The following CDH12 variants were observed in gnomAD, a reference collection of about 807,000 sequenced individuals.
CDH12 encodes cadherin-12.
In CDH12, 41 loss-of-function variants were observed where a neutral mutation model predicts 74.1. The observed-to-expected ratio is 0.55, with a 90% CI of 0.43 to 0.72. CDH12 has a LOEUF of 0.72. CDH12 is among the 30% of genes least tolerant of loss of function. The probability of loss-of-function intolerance (pLI) is 0.00; values close to 1 mark genes in which losing one functional copy is unlikely to be tolerated. For missense variants in CDH12, 945 were observed against 977.2 expected, an observed-to-expected ratio of 0.97 and a Z score of 0.44; for synonymous variants, 399 against 355.0, an observed-to-expected ratio of 1.12 and a Z score of -1.39.
intron 4 of CDH12, among the ~76,000 whole-genome samples, chr5:22,082,080 T>C (rs1212178610): frequency 1.3e-5 from 2 of 152,112 alleles, no homozygotes; most frequent in African/African-American, 2.4e-5. Context: ...ACCCACAAAT[T>C]TTATACTTTT....
At chr5:22,541,861 G>T (rs1738115861) in intron 1 of CDH12, among the ~76,000 whole-genome samples, 1 of 152,134 alleles carries the variant, frequency 6.6e-6, no homozygotes, top group Admixed American at 6.5e-5. Context: ...ACTAGAACTA[G>T]AATTTTTCTA....
At chr5:22,712,895 T>G (rs1232304432) in intron 1 of CDH12, among the ~76,000 whole-genome samples, 1 of 152,058 alleles carries the variant, frequency 6.6e-6, no homozygotes, top group Non-Finnish European at 1.5e-5. Context: ...TATTGCCCAT[T>G]TAGATAGTTT....
chr5:22,214,057 T>A (rs547665278), intron 3 of CDH12, among the ~76,000 whole-genome samples: 78 of 152,002 alleles, frequency 5.1e-4, no homozygotes, highest in African/African-American at 1.8e-3. Flanking sequence ...GCACTAAGTA[T>A]AAATAATAGA....
rs117902252 is a variant in CDH12 at position 22,781,671 on chromosome 5, T to C, written c.-523+71387A>G. ...CCCTAATAGGTTCTGTACTCTTTAG[T>C]CCAGAGTAACTGAATCTATTAATTT... On this transcript the variant is annotated intron_variant, in intron 1 of 14. Transcript: ENST00000382254. 3.1e-3 allele frequency among the ~76,000 whole-genome samples: 479 copies of C among 152,296 alleles called. 11 individuals are homozygous for C. The East Asian group carries it at 0.057, about 18-fold the overall frequency.
intron 3 of CDH12, among the ~76,000 whole-genome samples, chr5:22,297,955 CTT>C (rs1340125425): frequency 6.6e-6 from 1 of 151,752 alleles, no homozygotes; most frequent in East Asian, 1.9e-4. Context: ...TAGATATTAA[CTT>C]AATTTAATTT....
At chr5:22,307,881 T>TAG (rs1738184221) in intron 3 of CDH12, among the ~76,000 whole-genome samples, 1 of 115,588 alleles carries the variant, frequency 8.7e-6, no homozygotes, top group Non-Finnish European at 1.8e-5. Context: ...TAGTTTTTTT[T>TAG]TTTTTTTTTT....
At chr5:21,780,000 A>G (rs1385157603) in intron 11 of CDH12, among the ~76,000 whole-genome samples, 1 of 152,188 alleles carries the variant, frequency 6.6e-6, no homozygotes, top group Non-Finnish European at 1.5e-5. Context: ...TGGTTCTAAT[A>G]TCTTTACATT....
chr5:22,676,221 A>G lies in CDH12; in HGVS notation c.-522-170857T>C, dbSNP rs1388334897. 2.0e-5 allele frequency among the ~76,000 whole-genome samples: 3 copies of G among 152,246 alleles called. No individual in the cohort carries two copies. In the East Asian group the frequency reaches 5.8e-4, roughly 29 times the overall value. ...TAAATAAGGTAATGCAATATGGCCAATAAATATTATTGAGGCAAAAGTCAC... is the reference window on the plus strand; with the variant it reads ...TAAATAAGGTAATGCAATATGGCCAGTAAATATTATTGAGGCAAAAGTCAC... On this transcript the variant is annotated intron_variant, in intron 1 of 14. Coordinates refer to ENST00000382254, the MANE Select transcript of CDH12 (RefSeq NM_004061.5).
chr5:22,568,984 G>T (rs1216931066), intron 1 of CDH12, among the ~76,000 whole-genome samples: 1 of 152,172 alleles, frequency 6.6e-6, no homozygotes, highest in Non-Finnish European at 1.5e-5. Flanking sequence ...GGTTGCTAAA[G>T]GTTGTCGCAG....
intron 4 of CDH12, among the ~76,000 whole-genome samples, chr5:22,088,460 T>A (rs1415909677): frequency 1.3e-5 from 2 of 151,936 alleles, no homozygotes; most frequent in African/African-American, 4.8e-5. Flanking sequence ...TTCGTAGGGG[T>A]AAATGAGAAG....
rs1749310230 is a variant in CDH12, at chr5:21,833,335, A to AACATATAACATATAATATATATTATATG, written c.814+8825_814+8826insCATATAATATATATTATATGTTATATGT. On this transcript the variant is annotated intron_variant, in intron 8 of 14. Transcript: ENST00000382254. ...ATATGTTATATAATATATATTATAT[A>AACATATAACATATAATATATATTATATG]TTATATAACATATAATATATATTAT... 1.5e-4 allele frequency among the ~76,000 whole-genome samples: 3 copies of AACATATAACATATAATATATATTATATG among 20,276 alleles called. 1 individual carries two copies. Among genetic ancestry groups the AACATATAACATATAATATATATTATATG allele is most frequent in the Non-Finnish European group, 2.2e-4 (3 of 13,680 alleles). 13.3% of individuals were successfully genotyped at this position (20,276 alleles called of 152,430 possible).
chr5:22,429,071 A>G (rs1359795837), intron 2 of CDH12, among the ~76,000 whole-genome samples: 2 of 151,294 alleles, frequency 1.3e-5, no homozygotes, highest in South Asian at 2.1e-4. Flanking sequence ...TTAGCCTCAA[A>G]TTTCCCGTCA....
At chr5:22,216,330 C>G (rs942956041) in intron 3 of CDH12, among the ~76,000 whole-genome samples, 23 of 151,938 alleles carry the variant, frequency 1.5e-4, no homozygotes, top group African/African-American at 5.1e-4. Flanking sequence ...ACAGACTTTT[C>G]CTGATCTTGG....
intron 2 of CDH12, among the ~76,000 whole-genome samples, chr5:22,439,393 C>T (rs978075011): frequency 7.2e-5 from 11 of 151,994 alleles, no homozygotes; most frequent in Non-Finnish European, 1.3e-4. Flanking sequence ...GGGAATGATT[C>T]AGGGTAAGGA....
chr5:22,401,948 A>C (rs975892202), intron 3 of CDH12, among the ~76,000 whole-genome samples: 2 of 152,208 alleles, frequency 1.3e-5, no homozygotes, highest in Non-Finnish European at 2.9e-5. Context: ...AGAAAGAGGC[A>C]CTGAACAGAC....
At chr5:22,707,972 A>G (rs534444001) in intron 1 of CDH12, among the ~76,000 whole-genome samples, 15 of 152,176 alleles carry the variant, frequency 9.9e-5, no homozygotes, top group South Asian at 2.1e-4. Flanking sequence ...GCTCTATAAC[A>G]TTGATACAGT....
At chr5:22,061,218 A>T (rs894994694) in intron 5 of CDH12, among the ~76,000 whole-genome samples, 27 of 152,326 alleles carry the variant, frequency 1.8e-4, no homozygotes, top group African/African-American at 6.3e-4. Flanking sequence ...TTCCACAGGT[A>T]GAAATAATAT....
At chr5:21,996,339 T>A (rs2150140081) in intron 5 of CDH12, among the ~76,000 whole-genome samples, 1 of 152,250 alleles carries the variant, frequency 6.6e-6, no homozygotes, top group South Asian at 2.1e-4. Flanking sequence ...TAGTGTAATA[T>A]AAATTGGTAA....
chr5:22,034,856 A>C (rs904136559), intron 5 of CDH12, among the ~76,000 whole-genome samples: 1 of 152,132 alleles, frequency 6.6e-6, no homozygotes, highest in African/African-American at 2.4e-5. Context: ...TTTGACAATA[A>C]AATAAAGCTT....
Sources: gnomAD v4.1 joint callset for allele counts (sites outside exome capture counted in the v4.1 genomes callset) on GRCh38, gnomAD v4.1.1 for gene constraint, MANE v1.5 for transcripts, NCBI Gene and HGNC (gene_info 2026-07-23, HGNC 2026-07-21) for gene names.